Variants in NLRP13 observed in about 807,000 individuals in gnomAD.
NLRP13 encodes the protein NLR family pyrin domain containing 13.
NLRP13 carries 82 observed loss-of-function variants against 94.4 expected under a neutral mutation model. The observed-to-expected ratio is 0.87, with a 90% CI of 0.73 to 1.04. NLRP13 has a LOEUF of 1.04. Among genes scored for constraint, NLRP13 ranks in the 50% least tolerant of loss-of-function variants. The pLI, the probability that NLRP13 is intolerant of heterozygous loss-of-function variation, is 0.00. For missense variants in NLRP13, 1,426 were observed against 1,230.8 expected (o/e 1.16, Z -2.37); for synonymous variants, 553 against 464.7 (o/e 1.19, Z -2.45).
At chr19:55,892,373 G>A (rs533967575), downstream of NLRP13, among the ~76,000 whole-genome samples, 41 of 69,584 alleles carry the variant, frequency 5.9e-4, no homozygotes, top group African/African-American at 2.1e-3. Context: ...GTGTATATAT[G>A]TATATACACA....
At chr19:55,921,513 T>A (rs920454420) in intron 4 of NLRP13, among the ~76,000 whole-genome samples, 6 of 152,240 alleles carry the variant, frequency 3.9e-5, no homozygotes, top group African/African-American at 1.4e-4. Context: ...TATTGCTTAA[T>A]GTTTTTTAAA....
intron 1 of NLRP13, among the ~76,000 whole-genome samples, chr19:55,931,501 G>C (rs1987132857): frequency 1.3e-5 from 2 of 151,742 alleles, no homozygotes; most frequent in Admixed American, 1.3e-4. Flanking sequence ...GAGGTCAGGA[G>C]ATTGAGACCA....
At chr19:55,905,412 T>TAC (rs1229860334) in intron 7 of NLRP13, among the ~76,000 whole-genome samples, 1 of 150,628 alleles carries the variant, frequency 6.6e-6, no homozygotes, top group Non-Finnish European at 1.5e-5. Flanking sequence ...CATACATATA[T>TAC]ATACACGTAT....
chr19:55,922,991 G>T (rs1464854715), intron 4 of NLRP13, among the ~76,000 whole-genome samples: 1 of 152,210 alleles, frequency 6.6e-6, no homozygotes, highest in Non-Finnish European at 1.5e-5. Context: ...TGCATTACAA[G>T]CTCTATGTCC....
In NLRP13 at chr19:55,898,476, C is replaced by G. The variant is rs139874595; in HGVS notation, c.2957+294G>C. Among the ~76,000 whole-genome samples, 324 of 152,298 alleles carry G rather than the reference C, an allele frequency of 2.1e-3. 1 individual carries two copies. The highest frequency in any genetic ancestry group is 4.1e-3 in the Non-Finnish European group (279 of 68,008). On this transcript the variant is annotated intron_variant, in intron 10 of 10. Coordinates refer to ENST00000342929, the MANE Select transcript of NLRP13 (RefSeq NM_176810.2). ...CCGCCCACCTCGACCTCCCCAAATGCTGGGATTACAGGTGTGAGCCACTGC... is the reference window on the plus strand; with the variant it reads ...CCGCCCACCTCGACCTCCCCAAATGGTGGGATTACAGGTGTGAGCCACTGC...
At chr19:55,925,086 A>G in intron 1 of NLRP13, 51 bp from the exon 2 acceptor site, 2 of 1,524,060 alleles carry the variant, frequency 1.3e-6, no homozygotes, top group South Asian at 1.1e-5. Flanking sequence ...CTGAAAATGG[A>G]CCAGCAATAA....
chr19:55,896,820 CAAAAAAAAAAA>C, intron 10 of NLRP13, among the ~76,000 whole-genome samples: 1 of 80,914 alleles, frequency 1.2e-5, no homozygotes, highest in South Asian at 7.8e-4. Context: ...CTCCATCTCA[CAAAAAAAAAAA>C]AAAAAAAAAA....
In NLRP13 at chr19:55,895,973, G is replaced by C; in HGVS notation, c.3104C>G (p.Ser1035Trp). 1.2e-6 allele frequency: 2 copies of C among 1,613,924 alleles called. No individual in the cohort carries two copies. The highest frequency in any genetic ancestry group is 2.2e-5 in the South Asian group (2 of 91,020). The part of the protein sequence containing the change: ...VKMLCKALKK[S>W]TCRLQKLG ...CCCGAGTTTCTGCAGCCTGCATGTC[G>C]ACTTTTTCAAAGCCTTACATAGCAT... Residue 1035 changes from serine to tryptophan, a missense_variant, in exon 11 of 11, where the codon TCG becomes TGG. Coordinates refer to ENST00000342929, the MANE Select transcript of NLRP13 (RefSeq NM_176810.2).
chr19:55,919,910 C>A lies in NLRP13; in HGVS notation c.523+4004G>T, dbSNP rs1014457046. 3.3e-5 allele frequency among the ~76,000 whole-genome samples: 5 copies of A among 152,102 alleles called. No homozygotes were observed. In the East Asian group the frequency reaches 9.6e-4, roughly 29 times the overall value. ...GCAAAAAGGACAAATCTGTATGCAT[C>A]ACCTTACCTGACTTCAAATTATACT... On this transcript the variant is annotated intron_variant, in intron 4 of 10. Coordinates refer to ENST00000342929, the MANE Select transcript of NLRP13 (RefSeq NM_176810.2).
At position 55,913,145 on chromosome 19, in the gene NLRP13, A is replaced by G; in HGVS notation, c.672T>C (p.Thr224=). 6.2e-7 allele frequency: 1 copy of G among 1,613,998 alleles called. No individual in the cohort carries two copies. Among genetic ancestry groups the G allele is most frequent in the Non-Finnish European group, 8.5e-7 (1 of 1,179,998 alleles). ...ELQRLLDPNR[T]RAQAQTIVLV... is the part of the protein sequence containing the mutation. ...AGACTATCGTCTGGGCCTGGGCTCTAGTCCTATTAGGATCCAGTAGGCGCT... is the reference window on the plus strand; with the variant it reads ...AGACTATCGTCTGGGCCTGGGCTCTGGTCCTATTAGGATCCAGTAGGCGCT... Residue 224 remains threonine, a synonymous_variant, in exon 5 of 11, where the codon ACT becomes ACC. Coordinates refer to ENST00000342929, the MANE Select transcript of NLRP13 (RefSeq NM_176810.2).
intron 10 of NLRP13, among the ~76,000 whole-genome samples, chr19:55,898,194 G>GTTTT (rs1209396021): frequency 8.4e-5 from 5 of 59,274 alleles, no homozygotes; most frequent in African/African-American, 3.2e-4. Context: ...TAGCAGGAGA[G>GTTTT]TTTTTGTTTT....
chr19:55,908,298 G>A (rs1378152439), intron 6 of NLRP13, among the ~76,000 whole-genome samples: 1 of 152,076 alleles, frequency 6.6e-6, no homozygotes, highest in Non-Finnish European at 1.5e-5. Context: ...ACCTAGAAAA[G>A]CCCAGCAATA....
chr19:55,907,174 G>A (rs945822641), intron 7 of NLRP13, among the ~76,000 whole-genome samples: 1 of 151,910 alleles, frequency 6.6e-6, no homozygotes, highest in African/African-American at 2.4e-5. Flanking sequence ...TGGTCAGGCT[G>A]GTCTCGAACT....
chr19:55,895,297 A>T (rs1197747294), downstream of NLRP13, among the ~76,000 whole-genome samples: 1 of 151,978 alleles, frequency 6.6e-6, no homozygotes, highest in Non-Finnish European at 1.5e-5. Flanking sequence ...CAAGAGAATC[A>T]CTTGAACCAG....
intron 1 of NLRP13, among the ~76,000 whole-genome samples, chr19:55,928,302 C>T (rs1286177808): frequency 6.6e-6 from 1 of 152,218 alleles, no homozygotes; most frequent in Non-Finnish European, 1.5e-5. Context: ...ACGGGAGGGA[C>T]ACCCCATCTA....
At chr19:55,903,194 ATAAT>A (rs1410947083) in intron 8 of NLRP13, among the ~76,000 whole-genome samples, 8 of 152,176 alleles carry the variant, frequency 5.3e-5, no homozygotes, top group African/African-American at 1.9e-4. Flanking sequence ...TCATACACGT[ATAAT>A]TACACACGTA....
At chr19:55,923,805 T>C (rs548727448) in intron 4 of NLRP13, 109 bp downstream of exon 4, 2 of 778,572 alleles carry the variant, frequency 2.6e-6, no homozygotes, top group East Asian at 2.5e-5. Flanking sequence ...ATTTATTGCA[T>C]ACCATAAACT....
chr19:55,931,708 T>C (rs528413050), intron 1 of NLRP13, among the ~76,000 whole-genome samples: 1 of 85,348 alleles, frequency 1.2e-5, no homozygotes. Flanking sequence ...AGACTCAGGC[T>C]CAAAAAAAAA....
chr19:55,902,102 T>C lies in NLRP13; in HGVS notation c.2722A>G (p.Arg908Gly), dbSNP rs756355943. 8.7e-6 allele frequency: 14 copies of C among 1,614,144 alleles called. No individual in the cohort carries two copies. Among genetic ancestry groups the C allele is most frequent in the Non-Finnish European group, 1.1e-5 (13 of 1,180,004 alleles). ...CACAGGAACTTGACTCCCTCGTCTCTCAGGCTGTTCTTGCTCAGATTCAGG... is the reference window on the plus strand; with the variant it reads ...CACAGGAACTTGACTCCCTCGTCTCCCAGGCTGTTCTTGCTCAGATTCAGG... ...THLNLSKNSL[R>G]DEGVKFLCEA... Residue 908 changes from arginine to glycine, a missense_variant, in exon 9 of 11, where the codon AGA (arginine) becomes GGA (glycine). Transcript: ENST00000342929.
Sources: allele counts gnomAD v4.1 joint callset (sites outside exome capture counted in the v4.1 genomes callset), GRCh38; gene constraint gnomAD v4.1.1; transcripts MANE v1.5; gene names NCBI Gene and HGNC (gene_info 2026-07-23, HGNC 2026-07-21).